Variants in EGLN1 observed in about 807,000 individuals in gnomAD.
The protein encoded by EGLN1 is egl-9 family hypoxia inducible factor 1, also known as egl nine homolog 1.
EGLN1 carries 17 observed loss-of-function variants against 38.3 expected under a neutral mutation model. The ratio of observed to expected loss-of-function variants is 0.44; its 90% CI spans 0.30 to 0.67. The LOEUF (loss-of-function observed/expected upper bound fraction) is 0.67. Among genes scored for constraint, EGLN1 ranks in the 30% least tolerant of loss-of-function variants. EGLN1 has a pLI of 0.08. For missense variants in EGLN1, 477 were observed against 603.3 expected, an observed-to-expected ratio of 0.79 and a Z score of 2.19; for synonymous variants, 283 against 257.5, an observed-to-expected ratio of 1.10 and a Z score of -0.95.
chr1:231,416,040 G>T (rs1208303202), intron 1 of EGLN1, among the ~76,000 whole-genome samples: 2 of 152,058 alleles, frequency 1.3e-5, no homozygotes, highest in African/African-American at 2.4e-5. Flanking sequence ...GTAAAGACAG[G>T]GTTTCACCAT....
chr1:231,394,000 T>G (rs955689368), intron 1 of EGLN1, among the ~76,000 whole-genome samples: 1 of 152,232 alleles, frequency 6.6e-6, no homozygotes, highest in African/African-American at 2.4e-5. Flanking sequence ...CTTCAGGATA[T>G]GTAGCCTTTT....
At chr1:231,366,512 A>G in intron 4 of EGLN1, 37 bp from the exon 5 acceptor site, 1 of 1,592,400 alleles carries the variant, frequency 6.3e-7, no homozygotes, top group Non-Finnish European at 8.6e-7. Flanking sequence ...TCATTCATTC[A>G]CTAAGCACCA....
chr1:231,396,438 G>C (rs149756798), intron 1 of EGLN1, among the ~76,000 whole-genome samples: 3,790 of 152,114 alleles, frequency 0.025, 174 homozygotes, highest in African/African-American at 0.087. Flanking sequence ...ACTTTTAGTA[G>C]AGACGGGGTT....
intron 1 of EGLN1, among the ~76,000 whole-genome samples, chr1:231,403,993 T>C (rs1241039817): frequency 1.3e-5 from 2 of 152,112 alleles, no homozygotes; most frequent in Non-Finnish European, 2.9e-5. Flanking sequence ...CCTCAATTCC[T>C]TATTTTCAAA....
chr1:231,374,181 T>C, intron 1 of EGLN1, 82 bp from the exon 2 acceptor site: 1 of 1,311,300 alleles, frequency 7.6e-7, no homozygotes, highest in Non-Finnish European at 1.1e-6. Flanking sequence ...TCTCTGATTT[T>C]TGGCTACTGA....
At chr1:231,374,730 G>A (rs1468904449) in intron 1 of EGLN1, among the ~76,000 whole-genome samples, 2 of 151,864 alleles carry the variant, frequency 1.3e-5, no homozygotes, top group Non-Finnish European at 2.9e-5. Flanking sequence ...TTGTAATAGG[G>A]ATAATTTAGG....
intron 1 of EGLN1, among the ~76,000 whole-genome samples, chr1:231,396,407 C>G (rs2211176): frequency 6.6e-6 from 1 of 151,942 alleles, no homozygotes; most frequent in South Asian, 2.1e-4. Flanking sequence ...GCACGCGCCA[C>G]CAAGCCCAGC....
chr1:231,374,501 A>G (rs2102898610), intron 1 of EGLN1, among the ~76,000 whole-genome samples: 1 of 150,238 alleles, frequency 6.7e-6, no homozygotes, highest in African/African-American at 2.4e-5. Flanking sequence ...CCCATCTGAC[A>G]CTGTCTCTGA....
chr1:231,389,657 G>A (rs1056854511), intron 1 of EGLN1, among the ~76,000 whole-genome samples: 3 of 152,058 alleles, frequency 2.0e-5, no homozygotes, highest in Non-Finnish European at 4.4e-5. Flanking sequence ...ATTAAGAACA[G>A]TGGGGCTCTG....
In EGLN1 at chr1:231,421,056, T is replaced by C. The variant is rs753303580; in HGVS notation, c.833A>G (p.Asp278Gly). Reference sequence around the variant, plus strand: ...CTTCCCGTTACAGTGGCGTATCAGGTCGTCCATGCTGCTCATGAGCAGCCC... The same window carrying C: ...CTTCCCGTTACAGTGGCGTATCAGGCCGTCCATGCTGCTCATGAGCAGCCC... ...TIGLLMSSMD[D>G]LIRHCNGKLG... The change falls in exon 1 of 5, where the codon GAC becomes GGC. Residue 278 changes from aspartate to glycine, a missense_variant. Transcript: ENST00000366641. This position sits in a 1 kb window ranked among gnomAD's most constrained non-coding sequence, Gnocchi z 5.5. 8.7e-6 allele frequency: 14 copies of C among 1,613,886 alleles called. No homozygotes were observed. Among genetic ancestry groups the C allele is most frequent in the Admixed American group, 1.7e-5 (1 of 59,992 alleles).
At chr1:231,416,702 C>T (rs902486453) in intron 1 of EGLN1, among the ~76,000 whole-genome samples, 3 of 152,054 alleles carry the variant, frequency 2.0e-5, no homozygotes, top group African/African-American at 4.8e-5. Context: ...AAATTCCTTT[C>T]GAACTAAAGG....
In EGLN1 at chr1:231,365,275, A is replaced by G. The variant is rs1165204504; in HGVS notation, c.*1136T>C. Reference sequence around the variant, plus strand: ...TGGAAGTACAATCAATTTAAGGAGAAGCAAAAGGAAAAGACTTAGAAATGG... The same window carrying G: ...TGGAAGTACAATCAATTTAAGGAGAGGCAAAAGGAAAAGACTTAGAAATGG... On this transcript the variant is annotated 3_prime_UTR_variant, in exon 5 of 5. Transcript: ENST00000366641. The G allele has an allele frequency of 6.6e-6, 1 of 152,242 alleles. No homozygotes were observed. The highest frequency in any genetic ancestry group is 1.5e-5 in the Non-Finnish European group (1 of 68,056). The allele number at this position is 152,242 out of a possible 1,614,324, so 9.4% of individuals were successfully genotyped here. A position where few individuals can be genotyped will look rare whatever the true frequency, so the allele number is the denominator to read the frequency against.
intron 1 of EGLN1, among the ~76,000 whole-genome samples, chr1:231,411,159 C>A (rs1688933043): frequency 1.3e-5 from 2 of 152,078 alleles, no homozygotes; most frequent in Admixed American, 1.3e-4. Flanking sequence ...GGGGAGGGAC[C>A]TGGTGGGAGG....
chr1:231,407,559 T>C (rs1313773786), intron 1 of EGLN1, among the ~76,000 whole-genome samples: 1 of 152,180 alleles, frequency 6.6e-6, no homozygotes. Flanking sequence ...AAAGGGTATA[T>C]AAAGAAGTCA....
rs80120593 is a variant in EGLN1, at chr1:231,400,517, T to A, written c.891+20481A>T. On this transcript the variant is annotated intron_variant, in intron 1 of 4. Coordinates refer to ENST00000366641, the MANE Select transcript of EGLN1 (RefSeq NM_022051.3). ...GTAAATGTTTAAGGTTAATATGAAC[T>A]TTACTACTTGACCAATACCATATGT... Among the ~76,000 whole-genome samples, 3 of 152,274 alleles carry A rather than the reference T, an allele frequency of 2.0e-5. No individual in the cohort carries two copies. The East Asian group carries it at 5.8e-4, about 30-fold the overall frequency.
At chr1:231,371,585 C>T (rs751382796) in intron 2 of EGLN1, among the ~76,000 whole-genome samples, 7 of 152,284 alleles carry the variant, frequency 4.6e-5, no homozygotes, top group South Asian at 4.1e-4. Context: ...GCACAGATGA[C>T]TACCTGCTTG....
chr1:231,366,296 T>C lies in EGLN1; in HGVS notation c.*115A>G, dbSNP rs1190095755. 8.3e-7 allele frequency: 1 copy of C among 1,203,280 alleles called. No individual in the cohort carries two copies. The highest frequency in any genetic ancestry group is 1.2e-6 in the Non-Finnish European group (1 of 822,640). 74.5% of individuals were successfully genotyped at this position (1,203,280 alleles called of 1,614,324 possible). A position where few individuals can be genotyped will look rare whatever the true frequency, so the allele number is the denominator to read the frequency against. On this transcript the variant is annotated 3_prime_UTR_variant, in exon 5 of 5. Transcript: ENST00000366641. Reference sequence around the variant, plus strand: ...AACACAAAAAGTTGTTTCTGTTTCCTTATTAAAATGCGAACTGGTTGTCTA... The same window carrying C: ...AACACAAAAAGTTGTTTCTGTTTCCCTATTAAAATGCGAACTGGTTGTCTA...
At chr1:231,392,350 G>T (rs1688414899) in intron 1 of EGLN1, among the ~76,000 whole-genome samples, 1 of 151,996 alleles carries the variant, frequency 6.6e-6, no homozygotes, top group Admixed American at 6.6e-5. Context: ...GAAAAACTAA[G>T]AACTTAATTT....
chr1:231,412,973 T>C (rs997207245), intron 1 of EGLN1, among the ~76,000 whole-genome samples: 2 of 152,166 alleles, frequency 1.3e-5, no homozygotes, highest in East Asian at 2.0e-4. Context: ...TTTCAAAATA[T>C]ATCCAGAATA....
Sources: gnomAD v4.1 joint callset for allele counts (sites outside exome capture counted in the v4.1 genomes callset) on GRCh38, gnomAD v4.1.1 for gene constraint, Gnocchi (gnomAD v3.1) non-coding constraint, MANE v1.5 for transcripts, NCBI Gene and HGNC (gene_info 2026-07-23, HGNC 2026-07-21) for gene names.